Variants in CDH18 observed in about 807,000 individuals in gnomAD.
CDH18 encodes cadherin-18.
In CDH18, 31 loss-of-function variants were observed where a neutral mutation model predicts 67.9. The ratio of observed to expected loss-of-function variants is 0.46; its 90% CI spans 0.34 to 0.62. The LOEUF is 0.62. Among genes scored for constraint, CDH18 ranks in the 20% least tolerant of loss-of-function variants. CDH18 has a pLI of 0.01. For synonymous variants in CDH18, 362 were observed against 347.2 expected (o/e 1.04, Z -0.48); for missense variants, 890 against 975.5 (o/e 0.91, Z 1.17).
At chr5:20,132,933 T>A (rs1749396600) in intron 2 of CDH18, among the ~76,000 whole-genome samples, 1 of 152,162 alleles carries the variant, frequency 6.6e-6, no homozygotes, top group African/African-American at 2.4e-5. Context: ...GAACTTTTTT[T>A]TATTACTAGG....
chr5:19,908,081 G>A (rs1445568523), intron 2 of CDH18, among the ~76,000 whole-genome samples: 1 of 151,840 alleles, frequency 6.6e-6, no homozygotes, highest in Non-Finnish European at 1.5e-5. Flanking sequence ...CTTTGTGTTT[G>A]TATTCTTCTT....
At chr5:19,630,024 C>T (rs1249137949) in intron 5 of CDH18, among the ~76,000 whole-genome samples, 1 of 152,108 alleles carries the variant, frequency 6.6e-6, no homozygotes, top group Non-Finnish European at 1.5e-5. Context: ...GCAACCTCCA[C>T]CTCCCGGGTT....
chr5:19,938,266 T>C (rs1794482454), intron 2 of CDH18, among the ~76,000 whole-genome samples: 2 of 151,124 alleles, frequency 1.3e-5, no homozygotes, highest in South Asian at 2.1e-4. Flanking sequence ...TGCTGGGTTA[T>C]GGAAAACTTA....
chr5:19,553,082 T>A (rs915916103), intron 8 of CDH18, among the ~76,000 whole-genome samples: 9 of 152,208 alleles, frequency 5.9e-5, no homozygotes, highest in Non-Finnish European at 1.2e-4. Context: ...CAATAATGAT[T>A]ACCTTTACTC....
At chr5:19,490,656 G>A (rs556295488) in intron 11 of CDH18, among the ~76,000 whole-genome samples, 12 of 151,776 alleles carry the variant, frequency 7.9e-5, no homozygotes, top group East Asian at 7.8e-4. Flanking sequence ...CTCATGATCT[G>A]CACACCTCAG....
At chr5:20,365,826 T>C (rs971444515) in intron 1 of CDH18, among the ~76,000 whole-genome samples, 4 of 152,160 alleles carry the variant, frequency 2.6e-5, no homozygotes, top group African/African-American at 9.7e-5. Flanking sequence ...TTATTAAAAC[T>C]ATACTTTGCT....
At chr5:19,905,004 T>C (rs1452513452) in intron 2 of CDH18, among the ~76,000 whole-genome samples, 1 of 152,168 alleles carries the variant, frequency 6.6e-6, no homozygotes, top group Non-Finnish European at 1.5e-5. Context: ...AATGGTTTCT[T>C]GCTGAGAGAT....
At chr5:19,555,195 G>A (rs1738169990) in intron 8 of CDH18, among the ~76,000 whole-genome samples, 1 of 152,176 alleles carries the variant, frequency 6.6e-6, no homozygotes, top group Non-Finnish European at 1.5e-5. Flanking sequence ...CAACAGAGCA[G>A]CATGTGGAGA....
At position 20,102,297 on chromosome 5, in the gene CDH18, C is replaced by T. The variant is rs372004341; in HGVS notation, c.-517-110283G>A. 5.3e-5 allele frequency among the ~76,000 whole-genome samples: 8 copies of T among 151,684 alleles called. No individual in the cohort carries two copies. In the East Asian group the frequency reaches 9.7e-4, roughly 18 times the overall value. On this transcript the variant is annotated intron_variant, in intron 2 of 14. Coordinates refer to the CDH18 transcript ENST00000507958. The stretch of plus-strand genomic sequence containing the variant: ...TGTGAGGAATGTACTTACGGAAGTA[C>T]GTTAAGACAGTGAAGTACATATTCT...
chr5:20,306,456 C>T (rs1174906152), intron 1 of CDH18, among the ~76,000 whole-genome samples: 2 of 152,068 alleles, frequency 1.3e-5, no homozygotes, highest in South Asian at 2.1e-4. Context: ...CTTTTGTCTC[C>T]GTAATCTACC....
intron 3 of CDH18, among the ~76,000 whole-genome samples, chr5:19,801,799 A>G (rs2149851023): frequency 6.6e-6 from 1 of 152,338 alleles, no homozygotes; most frequent in South Asian, 2.1e-4. Context: ...AGCTCTCCAG[A>G]AAGAGCTTTT....
chr5:20,054,317 T>A (rs531858255), intron 2 of CDH18, among the ~76,000 whole-genome samples: 1 of 152,296 alleles, frequency 6.6e-6, no homozygotes, highest in African/African-American at 2.4e-5. Flanking sequence ...AGATAAAGGA[T>A]TCAAGTGGTC....
intron 3 of CDH18, among the ~76,000 whole-genome samples, chr5:19,750,131 A>G (rs1003463035): frequency 6.6e-6 from 1 of 152,072 alleles, no homozygotes; most frequent in African/African-American, 2.4e-5. Context: ...TTCCCATGTA[A>G]CACTAACGGG....
intron 2 of CDH18, among the ~76,000 whole-genome samples, chr5:19,993,417 A>T (rs949138528): frequency 6.6e-6 from 1 of 152,132 alleles, no homozygotes; most frequent in Non-Finnish European, 1.5e-5. Context: ...AATTACAAAA[A>T]TATTGAGAAC....
chr5:20,379,945 A>G (rs966393067), intron 1 of CDH18, among the ~76,000 whole-genome samples: 1 of 151,968 alleles, frequency 6.6e-6, no homozygotes, highest in Non-Finnish European at 1.5e-5. Context: ...CCAACATAAT[A>G]TGGTGGTACA....
intron 1 of CDH18, among the ~76,000 whole-genome samples, chr5:20,517,389 C>A (rs893792269): frequency 4.0e-5 from 6 of 151,366 alleles, no homozygotes; most frequent in African/African-American, 1.5e-4. Flanking sequence ...GATGTTATGA[C>A]AAATGAATAA....
At chr5:19,778,472 A>C (rs77262576) in intron 3 of CDH18, among the ~76,000 whole-genome samples, 2,479 of 152,300 alleles carry the variant, frequency 0.016, 63 homozygotes, top group African/African-American at 0.057. Context: ...ATACTATATG[A>C]ACTTATAAAT....
intron 1 of CDH18, among the ~76,000 whole-genome samples, chr5:20,320,355 C>CA (rs1454088039): frequency 1.3e-5 from 2 of 151,580 alleles, no homozygotes; most frequent in Non-Finnish European, 1.5e-5. Context: ...TTGTCACACA[C>CA]AAAAAAAAGA....
rs181164795 is a variant in CDH18 at position 19,728,084 on chromosome 5, A to C, written c.524-6618T>G. On this transcript the variant is annotated intron_variant, in intron 4 of 12. Transcript: ENST00000382275. ...ACGTGCTAGACTTCAAAATGAAAAT[A>C]TATATTGTCTAAAATTCCATTATTC... Among the ~76,000 whole-genome samples the C allele has an allele frequency of 1.3e-3, 192 of 152,276 alleles. 1 individual carries two copies. The highest frequency in any genetic ancestry group is 4.4e-3 in the African/African-American group (183 of 41,570).
Sources: gnomAD v4.1 joint callset for allele counts (sites outside exome capture counted in the v4.1 genomes callset) on GRCh38, gnomAD v4.1.1 for gene constraint, MANE v1.5 for transcripts, NCBI Gene and HGNC (gene_info 2026-07-23, HGNC 2026-07-21) for gene names.